The following PPM1A variants were observed in gnomAD, a reference collection of about 807,000 sequenced individuals.
The protein encoded by PPM1A is protein phosphatase 1A.
Under a neutral mutation model 35.0 loss-of-function variants are expected in PPM1A, and 7 were observed. The observed-to-expected ratio is 0.20, with a 90% CI of 0.11 to 0.38. PPM1A has a LOEUF of 0.38. Among genes scored for constraint, PPM1A ranks in the 10% least tolerant of loss-of-function variants. The probability of loss-of-function intolerance (pLI) is 1.00; values close to 1 mark genes in which losing one functional copy is unlikely to be tolerated. For missense variants in PPM1A, 239 were observed against 467.8 expected (o/e 0.51, Z 4.51); for synonymous variants, 153 against 167.3 (o/e 0.91, Z 0.66).
Position 60,249,948 on chromosome 14 carries a change from G to A in PPM1A, c.-21+271G>A, listed in dbSNP as rs1882163155. On this transcript the variant is annotated intron_variant, in intron 1 of 5. Transcript: ENST00000395076. This position sits in a 1 kb window ranked among gnomAD's most constrained non-coding sequence, Gnocchi z 4.5. ...GGGGAGGGGGCGCGACCCTCTGGCCGTCCGCGGCCGAGATGGGTGTTTGTG... is the reference window on the plus strand; with the variant it reads ...GGGGAGGGGGCGCGACCCTCTGGCCATCCGCGGCCGAGATGGGTGTTTGTG... Among the ~76,000 whole-genome samples the A allele has an allele frequency of 6.6e-6, 1 of 151,562 alleles. No homozygotes were observed. Among genetic ancestry groups the A allele is most frequent in the Non-Finnish European group, 1.5e-5 (1 of 67,798 alleles).
chr14:60,245,961 G>T, upstream of PPM1A: 1 of 1,577,676 alleles, frequency 6.3e-7, no homozygotes, highest in Non-Finnish European at 8.6e-7. This position sits in a 1 kb window ranked among gnomAD's most constrained non-coding sequence, Gnocchi z 4.2. Context: ...AAAGAGAAGA[G>T]AAGAAAAAGG....
upstream of PPM1A, chr14:60,245,903 T>G (rs1362139252): frequency 6.3e-7 from 1 of 1,584,850 alleles, no homozygotes; most frequent in Non-Finnish European, 8.6e-7. The surrounding 1 kb of genome is among the most constrained non-coding windows in gnomAD (Gnocchi z 4.2). Flanking sequence ...ACTAAGCTAA[T>G]GAAAAGAGAG....
chr14:60,292,953 G>T lies in PPM1A; in HGVS notation c.*471G>T. 6.5e-6 allele frequency: 1 copy of T among 152,730 alleles called. No individual in the cohort carries two copies. Among genetic ancestry groups the T allele is most frequent in the Non-Finnish European group, 1.5e-5 (1 of 68,404 alleles). The allele number at this position is 152,730 out of a possible 1,614,324, so 9.5% of individuals were successfully genotyped here. A position where few individuals can be genotyped will look rare whatever the true frequency, so the allele number is the denominator to read the frequency against. ...CCATGTCAGCTACACGCTCAAATGT[G>T]CAGATGATTATGGAAAATAACCTCA... On this transcript the variant is annotated 3_prime_UTR_variant, in exon 6 of 6. Transcript: ENST00000395076. The surrounding 1 kb of genome is among the most constrained non-coding windows in gnomAD (Gnocchi z 4.2).
rs13379396 is a variant in PPM1A at position 60,282,393 on chromosome 14, C to A, written c.-20-291C>A. On this transcript the variant is annotated intron_variant, in intron 1 of 5. Transcript: ENST00000395076. The surrounding 1 kb of genome is among the most constrained non-coding windows in gnomAD (Gnocchi z 5.1). The stretch of plus-strand genomic sequence containing the variant: ...GTTCATTGTATCATTAAACATTTAG[C>A]CTGGTTGGTTTAAGTTGATGGCCAC... Among the ~76,000 whole-genome samples, 10,858 of 152,212 alleles carry A rather than the reference C, an allele frequency of 0.071. 615 individuals are homozygous for A. Among genetic ancestry groups the A allele is most frequent in the African/African-American group, 0.17 (6,852 of 41,496 alleles).
chr14:60,283,091 G>T lies in PPM1A; in HGVS notation c.388G>T (p.Val130Leu). ...TGCAGATAGAAGTGGGTCAACAGCT[G>T]TAGGTGTCTTAATTTCTCCCCAACA... ...HGADRSGSTAVGVLISPQHTY... is the reference protein window; with the variant it reads ...HGADRSGSTALGVLISPQHTY... Residue 130 changes from valine (V) to leucine (L), a missense_variant, in exon 2 of 6, where the codon GTA (valine) becomes TTA (leucine). Val to Leu is a conservative substitution (Grantham distance 32). Transcript: ENST00000395076. The surrounding 1 kb of genome is among the most constrained non-coding windows in gnomAD (Gnocchi z 6.3). 1 of 1,614,232 alleles carries T rather than the reference G, an allele frequency of 6.2e-7. No individual in the cohort carries two copies. The highest frequency in any genetic ancestry group is 8.5e-7 in the Non-Finnish European group (1 of 1,180,042).
At chr14:60,285,494 ATTT>A (rs1886916133) in intron 2 of PPM1A, 127 bp from the exon 3 acceptor site, 1 of 983,552 alleles carries the variant, frequency 1.0e-6, no homozygotes, top group Non-Finnish European at 1.5e-6. Context: ...GCACATATGT[ATTT>A]TTTTCTCCCT....
At chr14:60,271,477 C>T (rs543981077) in intron 1 of PPM1A, among the ~76,000 whole-genome samples, 1 of 152,088 alleles carries the variant, frequency 6.6e-6, no homozygotes, top group South Asian at 2.1e-4. Flanking sequence ...TAGAGTAAAG[C>T]CTCATAGATT....
chr14:60,271,157 C>G (rs888489278), intron 1 of PPM1A, among the ~76,000 whole-genome samples: 1 of 152,136 alleles, frequency 6.6e-6, no homozygotes, highest in Admixed American at 6.5e-5. Flanking sequence ...CCACATCACT[C>G]GAATCTTTAA....
intron 4 of PPM1A, among the ~76,000 whole-genome samples, chr14:60,290,812 G>T (rs1366480887): frequency 1.3e-5 from 2 of 151,774 alleles, no homozygotes; most frequent in East Asian, 3.9e-4. Flanking sequence ...TCTATGAAAC[G>T]ATCTATAAAA....
In PPM1A at chr14:60,283,249, A is replaced by T. The variant is rs990260326; in HGVS notation, c.546A>T (p.Val182=). 6.2e-7 allele frequency: 1 copy of T among 1,614,260 alleles called. No individual in the cohort carries two copies. Among genetic ancestry groups the T allele is most frequent in the Non-Finnish European group, 8.5e-7 (1 of 1,180,046 alleles). The part of the protein sequence containing the change: ...KERIQNAGGS[V]MIQRVNGSLA... ...GAATTCAGAATGCAGGTGGCTCTGT[A>T]ATGATTCAGCGTGTGAATGGCTCTC... Residue 182 remains valine, a synonymous_variant, in exon 2 of 6, where the codon GTA becomes GTT. Transcript: ENST00000395076. This position sits in a 1 kb window ranked among gnomAD's most constrained non-coding sequence, Gnocchi z 6.3.
At chr14:60,246,026 A>G (rs1239398661), upstream of PPM1A, 1 of 1,578,566 alleles carries the variant, frequency 6.3e-7, no homozygotes, top group South Asian at 1.2e-5. Flanking sequence ...AGGATGTGTG[A>G]GAGAAAAAAA....
chr14:60,246,933 C>G (rs982004845), upstream of PPM1A, among the ~76,000 whole-genome samples: 1 of 152,150 alleles, frequency 6.6e-6, no homozygotes, highest in Admixed American at 6.5e-5. Flanking sequence ...TCTCCAAGTG[C>G]AGAACAGAGA....
chr14:60,277,017 A>T (rs539432054), intron 1 of PPM1A: 2 of 1,170,528 alleles, frequency 1.7e-6, no homozygotes, highest in South Asian at 3.3e-5. Context: ...CTTTGTTTTG[A>T]AAAGTTCAGA....
Position 60,283,024 on chromosome 14 carries a change from G to T in PPM1A, c.321G>T (p.Glu107Asp), listed in dbSNP as rs376869115. 8.1e-6 allele frequency: 13 copies of T among 1,614,228 alleles called. No homozygotes were observed. The African/African-American group carries it at 1.6e-4, about 20-fold the overall frequency. Residue 107 changes from glutamate to aspartate, a missense_variant, in exon 2 of 6, where the codon GAG becomes GAT. By Grantham distance (45) the Glu-to-Asp change is conservative (BLOSUM62 2). This residue lies in a region of PPM1A where 175 missense variants were observed against 389.2 expected (regional missense o/e 0.45). Transcript: ENST00000395076. This position sits in a 1 kb window ranked among gnomAD's most constrained non-coding sequence, Gnocchi z 6.3. The stretch of plus-strand genomic sequence containing the variant: ...ATGGAATCAGAACAGGTTTTCTGGA[G>T]ATTGATGAACACATGAGAGTTATGT... Reference protein sequence around the residue: ...VKNGIRTGFLEIDEHMRVMSE... With the variant: ...VKNGIRTGFLDIDEHMRVMSE...
At chr14:60,269,677 T>C (rs1884851341) in intron 1 of PPM1A, among the ~76,000 whole-genome samples, 1 of 152,156 alleles carries the variant, frequency 6.6e-6, no homozygotes, top group Non-Finnish European at 1.5e-5. Flanking sequence ...ACCTCCCGAG[T>C]AGCTGGGATT....
At chr14:60,285,425 T>C (rs763867501) in intron 2 of PPM1A, among the ~76,000 whole-genome samples, 199 bp from the exon 3 acceptor site, 51 of 152,186 alleles carry the variant, frequency 3.4e-4, no homozygotes, top group Admixed American at 9.2e-4. Context: ...TTATACTGTA[T>C]TCTCTCTATA....
Position 60,292,006 on chromosome 14 carries a change from T to C in PPM1A, c.1120-447T>C, listed in dbSNP as rs1350446997. 6.6e-6 allele frequency among the ~76,000 whole-genome samples: 1 copy of C among 152,166 alleles called. No homozygotes were observed. Among genetic ancestry groups the C allele is most frequent in the East Asian group, 1.9e-4 (1 of 5,200 alleles). On this transcript the variant is annotated intron_variant, in intron 5 of 5. Transcript: ENST00000395076. The surrounding 1 kb of genome is among the most constrained non-coding windows in gnomAD (Gnocchi z 4.2). ...CTGTTGCAATTCTGTTGTATGATGT[T>C]TATAGAAAAGTGATAACTTAAAGAT...
intron 1 of PPM1A, among the ~76,000 whole-genome samples, chr14:60,264,771 C>A (rs1410562835): frequency 6.6e-6 from 1 of 152,064 alleles, no homozygotes; most frequent in African/African-American, 2.4e-5. Context: ...CTTTGTCCAG[C>A]TAGAGTTTAT....
Position 60,295,756 on chromosome 14 carries a change from A to C in PPM1A, c.*3274A>C, listed in dbSNP as rs941391451. On this transcript the variant is annotated 3_prime_UTR_variant, in exon 6 of 6. Transcript: ENST00000395076. ...TAGTATTATAACTGGATCACTCATC[A>C]AAAAATATATATATATATCTATTGC... 9.2e-5 allele frequency: 14 copies of C among 151,624 alleles called. No homozygotes were observed. The highest frequency in any genetic ancestry group is 3.4e-4 in the African/African-American group (14 of 41,392). The allele number at this position is 151,624 out of a possible 1,614,324, so 9.4% of individuals were successfully genotyped here.
Sources: gnomAD v4.1 joint callset for allele counts (sites outside exome capture counted in the v4.1 genomes callset) on GRCh38, gnomAD v4.1.1 for gene constraint, gnomAD v4.1.1 regional missense constraint, Gnocchi (gnomAD v3.1) non-coding constraint, MANE v1.5 for transcripts, NCBI Gene and HGNC (gene_info 2026-07-23, HGNC 2026-07-21) for gene names.